Variants in CDH18 observed in about 807,000 individuals in gnomAD.
CDH18 encodes cadherin-18.
Under a neutral mutation model 67.9 loss-of-function variants are expected in CDH18, and 31 were observed. The observed-to-expected ratio is 0.46, with a 90% CI of 0.34 to 0.62. The LOEUF (loss-of-function observed/expected upper bound fraction) is 0.62, where lower values mean the gene tolerates loss of function less well. CDH18 is among the 20% of genes least tolerant of loss of function. The probability of loss-of-function intolerance (pLI) is 0.01; values close to 1 mark genes in which losing one functional copy is unlikely to be tolerated. For synonymous variants in CDH18, 362 were observed against 347.2 expected (o/e 1.04, Z -0.48); for missense variants, 890 against 975.5 (o/e 0.91, Z 1.17).
In CDH18 at chr5:19,616,299, C is replaced by T. The variant is rs539915342; in HGVS notation, c.644-3698G>A. Among the ~76,000 whole-genome samples the T allele has an allele frequency of 2.0e-5, 3 of 151,962 alleles. No homozygotes were observed. In the South Asian group the frequency reaches 6.2e-4, roughly 32 times the overall value. ...CGCCTACATCCTCACCACACAGATA[C>T]ATACATTGATTCCCCCCCACCCAAA... On this transcript the variant is annotated intron_variant, in intron 5 of 12. Coordinates refer to ENST00000382275, the MANE Select transcript of CDH18 (RefSeq NM_004934.5).
At chr5:19,897,619 T>A (rs1336717421) in intron 2 of CDH18, among the ~76,000 whole-genome samples, 1 of 152,072 alleles carries the variant, frequency 6.6e-6, no homozygotes, top group Non-Finnish European at 1.5e-5. Context: ...CACATACACG[T>A]ATACCTAGAG....
intron 1 of CDH18, among the ~76,000 whole-genome samples, chr5:20,484,293 A>T (rs1753018598): frequency 6.6e-6 from 1 of 152,094 alleles, no homozygotes; most frequent in Non-Finnish European, 1.5e-5. Flanking sequence ...GCTGGCAAGG[A>T]TGTGGAGAAA....
At chr5:19,647,080 G>T (rs1029706973) in intron 5 of CDH18, among the ~76,000 whole-genome samples, 3 of 152,014 alleles carry the variant, frequency 2.0e-5, no homozygotes, top group African/African-American at 7.2e-5. Flanking sequence ...GTCTGGGAAA[G>T]AACTATGAGT....
chr5:20,152,008 A>T (rs959368075), intron 2 of CDH18, among the ~76,000 whole-genome samples: 27 of 150,602 alleles, frequency 1.8e-4, no homozygotes, highest in South Asian at 4.2e-4. Flanking sequence ...GTGTAGAACT[A>T]GAAGTTCAAT....
chr5:20,242,983 C>A (rs1410714177), intron 2 of CDH18, among the ~76,000 whole-genome samples: 1 of 151,988 alleles, frequency 6.6e-6, no homozygotes, highest in Non-Finnish European at 1.5e-5. Context: ...CTAAATCTTA[C>A]AATGGTTCAA....
At position 19,598,370 on chromosome 5, in the gene CDH18, T is replaced by C. The variant is rs549321910; in HGVS notation, c.812-7126A>G. On this transcript the variant is annotated intron_variant, in intron 6 of 12. Transcript: ENST00000382275. The stretch of plus-strand genomic sequence containing the variant: ...AGTTTCTGTTAAAATATTCAAAGGA[T>C]GGTCATCTCCAACTTTACGCTGGGC... Among the ~76,000 whole-genome samples the C allele has an allele frequency of 9.2e-5, 14 of 152,286 alleles. No individual in the cohort carries two copies. The South Asian group carries it at 2.9e-3, about 32-fold the overall frequency.
intron 1 of CDH18, among the ~76,000 whole-genome samples, chr5:20,358,720 T>G (rs1741830530): frequency 6.6e-6 from 1 of 152,118 alleles, no homozygotes; most frequent in Admixed American, 6.5e-5. Flanking sequence ...ACTGTTTATT[T>G]AAAATGGATG....
chr5:20,222,238 G>A (rs537129998), intron 2 of CDH18, among the ~76,000 whole-genome samples: 4 of 152,248 alleles, frequency 2.6e-5, no homozygotes, highest in African/African-American at 9.6e-5. Context: ...ATTTGCTAAA[G>A]AGAATGTCAC....
At chr5:19,939,799 C>T (rs1460596970) in intron 2 of CDH18, among the ~76,000 whole-genome samples, 1 of 151,738 alleles carries the variant, frequency 6.6e-6, no homozygotes, top group Non-Finnish European at 1.5e-5. Context: ...AATAATAGTT[C>T]ATAATACCAT....
chr5:19,974,252 C>T (rs1275111952), intron 2 of CDH18, among the ~76,000 whole-genome samples: 1 of 151,688 alleles, frequency 6.6e-6, no homozygotes, highest in Non-Finnish European at 1.5e-5. Flanking sequence ...CGGTGTTGTC[C>T]CTGGATGTGT....
chr5:19,937,773 CA>C (rs1394836827), intron 2 of CDH18, among the ~76,000 whole-genome samples: 10 of 149,800 alleles, frequency 6.7e-5, no homozygotes, highest in Non-Finnish European at 3.0e-5. Context: ...CCTTGAAGAA[CA>C]AAAAAATTTC....
At chr5:20,474,471 C>A (rs556192885) in intron 1 of CDH18, among the ~76,000 whole-genome samples, 1 of 152,218 alleles carries the variant, frequency 6.6e-6, no homozygotes, top group African/African-American at 2.4e-5. Context: ...ACCCTGCTCC[C>A]GGCCTATGCT....
At chr5:19,638,819 C>T (rs1753551490) in intron 5 of CDH18, among the ~76,000 whole-genome samples, 1 of 151,950 alleles carries the variant, frequency 6.6e-6, no homozygotes, top group Non-Finnish European at 1.5e-5. Context: ...CATCCCATCA[C>T]ACAGCTCAAT....
chr5:19,818,689 G>T (rs1779546679), intron 3 of CDH18, among the ~76,000 whole-genome samples: 1 of 152,100 alleles, frequency 6.6e-6, no homozygotes, highest in Non-Finnish European at 1.5e-5. Context: ...CTAGAAACCT[G>T]TATAGCATGT....
At chr5:20,567,291 T>C (rs894582300) in intron 1 of CDH18, among the ~76,000 whole-genome samples, 1 of 152,220 alleles carries the variant, frequency 6.6e-6, no homozygotes, top group Non-Finnish European at 1.5e-5. Flanking sequence ...AAATGCTTTT[T>C]AGAAAGTGAC....
intron 1 of CDH18, among the ~76,000 whole-genome samples, chr5:20,415,677 G>A (rs1747245511): frequency 1.3e-5 from 2 of 152,066 alleles, no homozygotes; most frequent in Non-Finnish European, 2.9e-5. Context: ...GGAGGCTGAG[G>A]CAGGAGAATG....
intron 4 of CDH18, among the ~76,000 whole-genome samples, chr5:19,743,361 A>G (rs908682861): frequency 8.5e-5 from 13 of 152,116 alleles, no homozygotes; most frequent in Admixed American, 2.0e-4. Context: ...ATCTCCCTAT[A>G]ATAGCTTACA....
intron 1 of CDH18, among the ~76,000 whole-genome samples, chr5:20,443,207 C>CTCAAAAAAAAAAAAAAAAAAAAAAA: frequency 3.9e-5 from 1 of 25,386 alleles, no homozygotes; most frequent in Non-Finnish European, 7.4e-5. Flanking sequence ...GAGACTCCGT[C>CTCAAAAAAAAAAAAAAAAAAAAAAA]ACAAAAAAAA....
chr5:20,458,762 T>G (rs1219856097), intron 1 of CDH18, among the ~76,000 whole-genome samples: 1 of 152,188 alleles, frequency 6.6e-6, no homozygotes, highest in Non-Finnish European at 1.5e-5. Context: ...TTTAAATAAC[T>G]ATTAGCTTGT....
Sources: gnomAD v4.1 joint callset for allele counts (sites outside exome capture counted in the v4.1 genomes callset) on GRCh38, gnomAD v4.1.1 for gene constraint, MANE v1.5 for transcripts, NCBI Gene and HGNC (gene_info 2026-07-23, HGNC 2026-07-21) for gene names.